Variants in MAGI2 observed in about 807,000 individuals in gnomAD.
The protein encoded by MAGI2 is membrane associated guanylate kinase, WW and PDZ domain containing 2.
A neutral mutation model predicts 133.3 loss-of-function variants in MAGI2; 35 were observed. The observed-to-expected ratio is 0.26, with a 90% CI of 0.20 to 0.35. The LOEUF (loss-of-function observed/expected upper bound fraction) is 0.35, where lower values mean the gene tolerates loss of function less well. MAGI2 is among the 10% of genes least tolerant of loss of function. MAGI2 has a pLI of 1.00. For missense variants in MAGI2, 1,636 were observed against 1,863.4 expected, an observed-to-expected ratio of 0.88 and a Z score of 2.25; for synonymous variants, 729 against 710.6, an observed-to-expected ratio of 1.03 and a Z score of -0.41.
At chr7:79,450,433 T>A (rs981357207) in intron 1 of MAGI2, among the ~76,000 whole-genome samples, 2 of 152,160 alleles carry the variant, frequency 1.3e-5, no homozygotes, top group African/African-American at 4.8e-5. Flanking sequence ...TTTAAAAGAA[T>A]ATACAAGAGA....
At position 78,757,711 on chromosome 7, in the gene MAGI2, T is replaced by A. The variant is rs1457357131; in HGVS notation, c.419-130472A>T. Among the ~76,000 whole-genome samples the A allele has an allele frequency of 2.0e-5, 3 of 152,192 alleles. No individual in the cohort carries two copies. In the East Asian group the frequency reaches 5.8e-4, roughly 29 times the overall value. On this transcript the variant is annotated intron_variant, in intron 2 of 21. Transcript: ENST00000354212. ...ACTCTCTCTCTTCTTCCTCCTCTCATTCTGGTGTGACTTCTTGGTCTCTTT... is the reference window on the plus strand; with the variant it reads ...ACTCTCTCTCTTCTTCCTCCTCTCAATCTGGTGTGACTTCTTGGTCTCTTT...
chr7:78,922,509 A>G (rs1382961783), intron 2 of MAGI2, among the ~76,000 whole-genome samples: 1 of 151,802 alleles, frequency 6.6e-6, no homozygotes, highest in Non-Finnish European at 1.5e-5. Context: ...ATGTCCCTAC[A>G]AAGGACATGA....
rs7810649 is a variant in MAGI2 at position 79,266,136 on chromosome 7, G to A, written c.301+186884C>T. 1.6e-3 allele frequency among the ~76,000 whole-genome samples: 250 copies of A among 152,120 alleles called. 1 individual carries two copies. Among genetic ancestry groups the A allele is most frequent in the East Asian group, 6.0e-3 (31 of 5,168 alleles). The stretch of plus-strand genomic sequence containing the variant: ...GGAGGATGGAGTGGCATGAATAAAC[G>A]TTGTTGGTCACTGGTATTGCAGGAG... On this transcript the variant is annotated intron_variant, in intron 1 of 21. Transcript: ENST00000354212.
At chr7:78,654,710 T>C (rs1207671352) in intron 2 of MAGI2, among the ~76,000 whole-genome samples, 1 of 2,966 alleles carries the variant, frequency 3.4e-4, no homozygotes, top group South Asian at 0.029. Context: ...TATGTATATA[T>C]ATATATATAT....
intron 3 of MAGI2, 98 bp downstream of exon 3, chr7:78,627,022 A>T: frequency 7.7e-7 from 1 of 1,297,712 alleles, no homozygotes; most frequent in Non-Finnish European, 1.0e-6. Flanking sequence ...TCTCAAACCC[A>T]AAACAGCCCA....
intron 2 of MAGI2, among the ~76,000 whole-genome samples, chr7:78,890,234 T>G (rs546618784): frequency 6.6e-6 from 1 of 152,150 alleles, no homozygotes; most frequent in Non-Finnish European, 1.5e-5. Flanking sequence ...AAGCAAGTCC[T>G]TAGAGACCTA....
intron 7 of MAGI2, among the ~76,000 whole-genome samples, chr7:78,361,366 C>G (rs2151236306): frequency 6.9e-6 from 1 of 144,812 alleles, no homozygotes; most frequent in South Asian, 2.2e-4. Context: ...GCACTCCAGC[C>G]TGGGCGACAG....
intron 1 of MAGI2, among the ~76,000 whole-genome samples, chr7:79,283,494 A>C (rs1373269615): frequency 6.6e-6 from 1 of 152,064 alleles, no homozygotes; most frequent in Non-Finnish European, 1.5e-5. Context: ...CCATCCTCTG[A>C]GGGACCTTAA....
chr7:78,747,278 G>C (rs1823012206), intron 2 of MAGI2, among the ~76,000 whole-genome samples: 1 of 152,108 alleles, frequency 6.6e-6, no homozygotes. Flanking sequence ...TAAGGCATGA[G>C]CTGAACCTAA....
chr7:78,457,286 T>C (rs1789421111), intron 6 of MAGI2, among the ~76,000 whole-genome samples: 2 of 152,226 alleles, frequency 1.3e-5, no homozygotes, highest in Non-Finnish European at 2.9e-5. Flanking sequence ...AAAAGTTTTC[T>C]ATGTTGTTTT....
At chr7:78,475,726 C>T (rs1238028367) in intron 6 of MAGI2, among the ~76,000 whole-genome samples, 1 of 151,684 alleles carries the variant, frequency 6.6e-6, no homozygotes, top group Non-Finnish European at 1.5e-5. Context: ...GAGTCATCAG[C>T]ATCTAGATGG....
At chr7:78,571,975 T>TA (rs1801545828) in intron 3 of MAGI2, among the ~76,000 whole-genome samples, 1 of 152,198 alleles carries the variant, frequency 6.6e-6, no homozygotes, top group African/African-American at 2.4e-5. Context: ...ACGCAGGACT[T>TA]ACCACTATTT....
At chr7:78,614,686 A>G (rs1806877967) in intron 3 of MAGI2, 1 of 152,170 alleles carries the variant, frequency 6.6e-6, no homozygotes, top group Non-Finnish European at 1.5e-5. Context: ...AATTTAGTCA[A>G]ATCTTAATTT....
intron 20 of MAGI2, among the ~76,000 whole-genome samples, chr7:78,101,336 GA>G (rs1348413664): frequency 6.6e-6 from 1 of 152,082 alleles, no homozygotes; most frequent in Non-Finnish European, 1.5e-5. Context: ...CAATGTTACT[GA>G]AATAAAAATA....
chr7:78,128,174 G>T (rs769156719), intron 18 of MAGI2, among the ~76,000 whole-genome samples: 6 of 152,184 alleles, frequency 3.9e-5, no homozygotes, highest in Non-Finnish European at 8.8e-5. Flanking sequence ...CTAGATATTA[G>T]TTACTAATGA....
chr7:79,180,356 G>C (rs1440654783), intron 1 of MAGI2, among the ~76,000 whole-genome samples: 2 of 152,028 alleles, frequency 1.3e-5, no homozygotes, highest in African/African-American at 4.8e-5. Context: ...TGGACTTAAA[G>C]TTCTACATGG....
intron 9 of MAGI2, among the ~76,000 whole-genome samples, chr7:78,282,973 G>A (rs112816013): frequency 1.3e-5 from 2 of 152,124 alleles, no homozygotes; most frequent in African/African-American, 4.8e-5. Context: ...TAGAAGTTTA[G>A]GCTGAACTCA....
chr7:78,777,455 C>T (rs1180636344), intron 2 of MAGI2, among the ~76,000 whole-genome samples: 1 of 152,110 alleles, frequency 6.6e-6, no homozygotes, highest in Non-Finnish European at 1.5e-5. Flanking sequence ...CTACCACCAC[C>T]ATTATCACTG....
intron 1 of MAGI2, among the ~76,000 whole-genome samples, chr7:79,399,047 A>C (rs1845260779): frequency 6.8e-6 from 1 of 147,834 alleles, no homozygotes; most frequent in Admixed American, 6.8e-5. Flanking sequence ...AGAATAACAA[A>C]ATCTGACATC....
Sources: gnomAD v4.1 joint callset for allele counts (sites outside exome capture counted in the v4.1 genomes callset) on GRCh38, gnomAD v4.1.1 for gene constraint, MANE v1.5 for transcripts, NCBI Gene and HGNC (gene_info 2026-07-23, HGNC 2026-07-21) for gene names.